Variants in PTPRO observed in about 807,000 individuals in gnomAD.
The protein encoded by PTPRO is protein tyrosine phosphatase receptor type O, also known as receptor-type tyrosine-protein phosphatase O.
A neutral mutation model predicts 145.2 loss-of-function variants in PTPRO; 62 were observed. That is an observed-to-expected ratio of 0.43 (90% confidence interval 0.35 to 0.53). The LOEUF (loss-of-function observed/expected upper bound fraction) is 0.53. Among genes scored for constraint, PTPRO ranks in the 20% least tolerant of loss-of-function variants. PTPRO has a pLI of 0.01. For missense variants in PTPRO, 1,345 were observed against 1,482.7 expected, an observed-to-expected ratio of 0.91 and a Z score of 1.53; for synonymous variants, 565 against 514.7, an observed-to-expected ratio of 1.10 and a Z score of -1.32.
chr12:15,349,188 T>A (rs1411581572), intron 1 of PTPRO, among the ~76,000 whole-genome samples: 1 of 151,962 alleles, frequency 6.6e-6, no homozygotes, highest in East Asian at 1.9e-4. Flanking sequence ...CTATTTGGAG[T>A]GGGATCAGGG....
intron 1 of PTPRO, among the ~76,000 whole-genome samples, chr12:15,466,713 G>C (rs368980765): frequency 5.9e-5 from 9 of 152,240 alleles, no homozygotes; most frequent in East Asian, 5.8e-4. Flanking sequence ...ACCTAAGGCT[G>C]AGAGAAATTC....
chr12:15,593,671 T>C (rs1944599071), intron 25 of PTPRO, among the ~76,000 whole-genome samples: 1 of 152,156 alleles, frequency 6.6e-6, no homozygotes, highest in Non-Finnish European at 1.5e-5. Context: ...CTTAAACCAA[T>C]CTCCTTTTTA....
chr12:15,375,442 C>T (rs1304669863), intron 1 of PTPRO, among the ~76,000 whole-genome samples: 3 of 151,878 alleles, frequency 2.0e-5, no homozygotes, highest in Admixed American at 6.6e-5. Context: ...AATAATTCAC[C>T]CAATAAAGAT....
Position 15,415,548 on chromosome 12 carries a change from C to CTAATT in PTPRO, c.76-68424_76-68420dup, listed in dbSNP as rs560310326. On this transcript the variant is annotated intron_variant, in intron 1 of 26. Transcript: ENST00000281171. ...TACAGGCACCTGCCACCACACCCGG[C>CTAATT]TAATTTTTTGTATTTTTAGTAGAGA... 4.0e-3 allele frequency among the ~76,000 whole-genome samples: 610 copies of CTAATT among 151,810 alleles called. 13 individuals carry two copies. The highest frequency in any genetic ancestry group is 0.014 in the African/African-American group (575 of 41,156).
intron 1 of PTPRO, among the ~76,000 whole-genome samples, chr12:15,394,112 C>T (rs887899540): frequency 2.6e-5 from 4 of 152,106 alleles, no homozygotes; most frequent in Non-Finnish European, 5.9e-5. Flanking sequence ...CCAATCATCT[C>T]TTAAAAGCCC....
chr12:15,349,018 G>A (rs1296407543), intron 1 of PTPRO, among the ~76,000 whole-genome samples: 1 of 152,178 alleles, frequency 6.6e-6, no homozygotes, highest in Non-Finnish European at 1.5e-5. Flanking sequence ...CTTAATTAAT[G>A]TCTCTTTTTT....
At chr12:15,564,156 G>GA (rs1457371835) in intron 17 of PTPRO, among the ~76,000 whole-genome samples, 3 of 152,200 alleles carry the variant, frequency 2.0e-5, no homozygotes, top group Middle Eastern at 3.4e-3. Context: ...GGATGAGGGA[G>GA]AAAAAATAGA....
intron 12 of PTPRO, among the ~76,000 whole-genome samples, chr12:15,531,401 AAC>A (rs1199701409): frequency 6.6e-6 from 1 of 152,208 alleles, no homozygotes; most frequent in Non-Finnish European, 1.5e-5. Context: ...GATAAGGAAA[AAC>A]AGATACTTTA....
At chr12:15,415,672 A>G (rs934205382) in intron 1 of PTPRO, among the ~76,000 whole-genome samples, 3 of 151,806 alleles carry the variant, frequency 2.0e-5, no homozygotes, top group Admixed American at 2.0e-4. Flanking sequence ...GGCGTGAGCC[A>G]CTGTGCCCGG....
chr12:15,572,054 T>C (rs904868721), intron 19 of PTPRO, among the ~76,000 whole-genome samples: 1 of 152,236 alleles, frequency 6.6e-6, no homozygotes, highest in Non-Finnish European at 1.5e-5. Context: ...ACTAGGAATC[T>C]AAAATCCTGA....
rs145767295 is a variant in PTPRO, at chr12:15,539,541, C to T, written c.2165-7028C>T. On this transcript the variant is annotated intron_variant, in intron 12 of 26. Transcript: ENST00000281171. ...CTTTGGGAGGCCGAGGCGGGCAGAT[C>T]ACTTGAGGCCGGGAGTTCGAGACCA... Among the ~76,000 whole-genome samples the T allele has an allele frequency of 3.2e-3, 490 of 151,990 alleles. 3 individuals carry two copies. The highest frequency in any genetic ancestry group is 0.024 in the Middle Eastern group (7 of 294).
intron 18 of PTPRO, among the ~76,000 whole-genome samples, chr12:15,567,622 G>A (rs1943933927): frequency 6.6e-6 from 1 of 152,082 alleles, no homozygotes; most frequent in Non-Finnish European, 1.5e-5. Context: ...GAAAGCTAGA[G>A]TTGTTAAATC....
intron 1 of PTPRO, among the ~76,000 whole-genome samples, chr12:15,367,955 GGTCTCAGA>G (rs1237591453): frequency 6.6e-6 from 1 of 151,960 alleles, no homozygotes; most frequent in African/African-American, 2.4e-5. Context: ...TGCCTTTCTG[GGTCTCAGA>G]GTGACTAAAG....
At chr12:15,407,644 A>C (rs920655755) in intron 1 of PTPRO, among the ~76,000 whole-genome samples, 3 of 152,218 alleles carry the variant, frequency 2.0e-5, no homozygotes, top group Non-Finnish European at 4.4e-5. Flanking sequence ...CTGCAATTAC[A>C]GCTAGGGTTT....
At chr12:15,440,945 G>C (rs919196995) in intron 1 of PTPRO, among the ~76,000 whole-genome samples, 1 of 152,178 alleles carries the variant, frequency 6.6e-6, no homozygotes, top group African/African-American at 2.4e-5. Context: ...GACAGCAGTA[G>C]ACAGGTCATG....
intron 19 of PTPRO, 147 bp from the exon 20 acceptor site, chr12:15,578,703 TTGA>T: frequency 1.5e-6 from 1 of 682,916 alleles, no homozygotes. Context: ...CCAAAGCAAG[TTGA>T]TGATAGTGGG....
chr12:15,575,459 A>C (rs1435684191), intron 19 of PTPRO, among the ~76,000 whole-genome samples: 1 of 152,232 alleles, frequency 6.6e-6, no homozygotes, highest in Non-Finnish European at 1.5e-5. Context: ...CCTTGTTGCC[A>C]TCTTGATCTT....
At chr12:15,552,137 G>A (rs1218276361) in intron 15 of PTPRO, among the ~76,000 whole-genome samples, 1 of 152,084 alleles carries the variant, frequency 6.6e-6, no homozygotes, top group Non-Finnish European at 1.5e-5. Flanking sequence ...AGGTCCATTA[G>A]CAGTCTCTAT....
chr12:15,567,645 C>G (rs1331745792), intron 18 of PTPRO, among the ~76,000 whole-genome samples: 1 of 152,086 alleles, frequency 6.6e-6, no homozygotes, highest in South Asian at 2.1e-4. Flanking sequence ...ACTTTAAGGT[C>G]GATACACTGC....
Sources: gnomAD v4.1 joint callset for allele counts (sites outside exome capture counted in the v4.1 genomes callset) on GRCh38, gnomAD v4.1.1 for gene constraint, MANE v1.5 for transcripts, NCBI Gene and HGNC (gene_info 2026-07-23, HGNC 2026-07-21) for gene names.